MAN1C1: variants seen among roughly 807,000 people sequenced by gnomAD.
MAN1C1 encodes the protein mannosidase alpha class 1C member 1.
In MAN1C1, 49 loss-of-function variants were observed where a neutral mutation model predicts 71.5. The ratio of observed to expected loss-of-function variants is 0.69; its 90% CI spans 0.54 to 0.87. The LOEUF is 0.87. Ranked by LOEUF, MAN1C1 falls within the 40% of genes least tolerant of loss-of-function variation. MAN1C1 has a pLI of 0.00. For missense variants in MAN1C1, 743 were observed against 835.0 expected (o/e 0.89, Z 1.36); for synonymous variants, 352 against 343.7 (o/e 1.02, Z -0.27).
At chr1:25,731,336 GTCATCATCATCA>G (rs61554526) in intron 2 of MAN1C1, among the ~76,000 whole-genome samples, 17 of 150,648 alleles carry the variant, frequency 1.1e-4, no homozygotes, top group Admixed American at 3.3e-4. Flanking sequence ...CATCATCATC[GTCATCATCATCA>G]TCATCATCAT....
rs2045883305 is a variant in MAN1C1, at chr1:25,663,764, G to C, written c.541-22676G>C. The stretch of plus-strand genomic sequence containing the variant: ...AATTCCATTGAAGTCGCGAGGGAGA[G>C]GGCCACTTGAGCAGAGTGGTAGCAC... On this transcript the variant is annotated intron_variant, in intron 1 of 11. Coordinates refer to ENST00000374332, the MANE Select transcript of MAN1C1 (RefSeq NM_020379.4). 2.0e-5 allele frequency among the ~76,000 whole-genome samples: 3 copies of C among 152,132 alleles called. No individual in the cohort carries two copies. The South Asian group carries it at 6.2e-4, about 32-fold the overall frequency.
chr1:25,720,825 T>C (rs2046752729), intron 2 of MAN1C1, among the ~76,000 whole-genome samples: 1 of 152,206 alleles, frequency 6.6e-6, no homozygotes, highest in Non-Finnish European at 1.5e-5. Context: ...AGGCCATGAC[T>C]CATTTCGAGT....
At chr1:25,690,000 C>G (rs1259535203) in intron 2 of MAN1C1, among the ~76,000 whole-genome samples, 1 of 152,180 alleles carries the variant, frequency 6.6e-6, no homozygotes, top group Non-Finnish European at 1.5e-5. Context: ...GTCGGATGCC[C>G]AAGCCTGGTC....
chr1:25,745,774 G>C (rs1395354192), intron 2 of MAN1C1, among the ~76,000 whole-genome samples: 1 of 152,164 alleles, frequency 6.6e-6, no homozygotes, highest in Non-Finnish European at 1.5e-5. Flanking sequence ...CAGATCACTT[G>C]AGGCCAGGCA....
At chr1:25,687,239 C>T (rs1025504642) in intron 2 of MAN1C1, among the ~76,000 whole-genome samples, 3 of 152,164 alleles carry the variant, frequency 2.0e-5, no homozygotes, top group Non-Finnish European at 1.5e-5. Flanking sequence ...CCTGGCAACT[C>T]GTATTTTATC....
At chr1:25,747,577 T>TG (rs1215571293) in intron 3 of MAN1C1, among the ~76,000 whole-genome samples, 1 of 152,166 alleles carries the variant, frequency 6.6e-6, no homozygotes, top group African/African-American at 2.4e-5. Context: ...CAGACAGGTC[T>TG]GGGGCTGGTT....
chr1:25,662,008 G>T (rs2045856850), intron 1 of MAN1C1, among the ~76,000 whole-genome samples: 1 of 152,212 alleles, frequency 6.6e-6, no homozygotes, highest in Admixed American at 6.5e-5. Flanking sequence ...ACAGTGGTCA[G>T]AATGCTCTGG....
At chr1:25,773,404 C>G (rs2047579598) in intron 8 of MAN1C1, among the ~76,000 whole-genome samples, 1 of 152,166 alleles carries the variant, frequency 6.6e-6, no homozygotes, top group Non-Finnish European at 1.5e-5. Context: ...AGCCATGGAC[C>G]CTTTAAACTG....
rs997959761 is a variant in MAN1C1 at position 25,735,274 on chromosome 1, C to T, written c.638-11394C>T. Among the ~76,000 whole-genome samples the T allele has an allele frequency of 4.6e-5, 7 of 152,108 alleles. No individual in the cohort carries two copies. The highest frequency in any genetic ancestry group is 2.1e-4 in the South Asian group (1 of 4,820). On this transcript the variant is annotated intron_variant, in intron 2 of 11. Transcript: ENST00000374332. The surrounding 1 kb of genome is among the most constrained non-coding windows in gnomAD (Gnocchi z 4.6). Reference sequence around the variant, plus strand: ...CTCTGCCAAAAACACAAAAATTAGCCGGGCATGCTGACGCATGCCTGTAAT... The same window carrying T: ...CTCTGCCAAAAACACAAAAATTAGCTGGGCATGCTGACGCATGCCTGTAAT...
chr1:25,732,104 G>C (rs1017595419), intron 2 of MAN1C1, among the ~76,000 whole-genome samples: 3 of 152,062 alleles, frequency 2.0e-5, no homozygotes, highest in African/African-American at 7.2e-5. Flanking sequence ...GAGGGCATCT[G>C]GGGGGGCTCC....
At chr1:25,640,606 C>T (rs776729142) in intron 1 of MAN1C1, among the ~76,000 whole-genome samples, 1 of 152,136 alleles carries the variant, frequency 6.6e-6, no homozygotes, top group Non-Finnish European at 1.5e-5. Context: ...AAAATAGAAT[C>T]AATTTTGCTA....
intron 1 of MAN1C1, among the ~76,000 whole-genome samples, chr1:25,650,373 G>A (rs972481134): frequency 1.3e-5 from 2 of 152,200 alleles, no homozygotes; most frequent in African/African-American, 4.8e-5. Context: ...CAGCAACTCC[G>A]TAGGGGTTCA....
At chr1:25,670,472 A>G (rs992224245) in intron 1 of MAN1C1, among the ~76,000 whole-genome samples, 11 of 152,228 alleles carry the variant, frequency 7.2e-5, no homozygotes, top group Non-Finnish European at 1.5e-4. Context: ...CAGGTCATCC[A>G]TTCCTTCTAG....
intron 2 of MAN1C1, among the ~76,000 whole-genome samples, chr1:25,726,719 A>G (rs890408195): frequency 6.6e-6 from 1 of 152,070 alleles, no homozygotes; most frequent in African/African-American, 2.4e-5. Context: ...AAATGGAGAT[A>G]ATATAACCAC....
chr1:25,717,999 T>TACACACACACAC lies in MAN1C1; in HGVS notation c.638-28653_638-28642dup, dbSNP rs71577794. On this transcript the variant is annotated intron_variant, in intron 2 of 11. Coordinates refer to ENST00000374332, the MANE Select transcript of MAN1C1 (RefSeq NM_020379.4). ...GTTGATATCACACTATAGCTTTATTTACACACACACACACACACACACACA... is the reference window on the plus strand; with the variant it reads ...GTTGATATCACACTATAGCTTTATTTACACACACACACACACACACACACACACACACACACA... 7.1e-4 allele frequency among the ~76,000 whole-genome samples: 106 copies of TACACACACACAC among 148,596 alleles called. 1 individual carries two copies. The highest frequency in any genetic ancestry group is 2.5e-3 in the African/African-American group (100 of 40,576).
chr1:25,736,283 T>G (rs1477157855), intron 2 of MAN1C1, among the ~76,000 whole-genome samples: 3 of 152,152 alleles, frequency 2.0e-5, no homozygotes, highest in African/African-American at 7.2e-5. Context: ...CCTTCTCTGC[T>G]GGGCCAATCA....
chr1:25,651,345 C>T (rs2045689601), intron 1 of MAN1C1, among the ~76,000 whole-genome samples: 1 of 152,248 alleles, frequency 6.6e-6, no homozygotes, highest in Non-Finnish European at 1.5e-5. Context: ...ACTGGCCTTG[C>T]ACGGCTCTTC....
In MAN1C1 at chr1:25,778,807, C is replaced by T. The variant is rs1018046645; in HGVS notation, c.1477+483C>T. Among the ~76,000 whole-genome samples the T allele has an allele frequency of 2.0e-5, 3 of 152,150 alleles. No homozygotes were observed. Among genetic ancestry groups the T allele is most frequent in the Non-Finnish European group, 4.4e-5 (3 of 68,032 alleles). On this transcript the variant is annotated intron_variant, in intron 9 of 11. Transcript: ENST00000374332. The surrounding 1 kb of genome is among the most constrained non-coding windows in gnomAD (Gnocchi z 5.5). ...TCCTGCTCCCACCTGTTTAGTCGCCCTCTTTGACCCATGATCACCGGAAAG... is the reference window on the plus strand; with the variant it reads ...TCCTGCTCCCACCTGTTTAGTCGCCTTCTTTGACCCATGATCACCGGAAAG...
intron 1 of MAN1C1, among the ~76,000 whole-genome samples, chr1:25,679,399 C>T (rs2046114306): frequency 6.6e-6 from 1 of 152,072 alleles, no homozygotes; most frequent in South Asian, 2.1e-4. Flanking sequence ...CATGAAGACC[C>T]ATCCAGGCCA....
Sources: allele counts gnomAD v4.1 joint callset (sites outside exome capture counted in the v4.1 genomes callset), GRCh38; gene constraint gnomAD v4.1.1; non-coding constraint Gnocchi (gnomAD v3.1); transcripts MANE v1.5; gene names NCBI Gene and HGNC (gene_info 2026-07-23, HGNC 2026-07-21).